HTR7: variants seen among roughly 807,000 people sequenced by gnomAD.
The protein encoded by HTR7 is 5-HT-7.
HTR7 carries 16 observed loss-of-function variants against 34.0 expected under a neutral mutation model. The ratio of observed to expected loss-of-function variants is 0.47; its 90% CI spans 0.32 to 0.71. The LOEUF (loss-of-function observed/expected upper bound fraction) is 0.71. Ranked by LOEUF, HTR7 falls within the 30% of genes least tolerant of loss-of-function variation. The pLI is 0.04. For missense variants in HTR7, 504 were observed against 625.5 expected, an observed-to-expected ratio of 0.81 and a Z score of 2.07; for synonymous variants, 265 against 260.2, an observed-to-expected ratio of 1.02 and a Z score of -0.18.
intron 1 of HTR7, among the ~76,000 whole-genome samples, chr10:90,769,006 A>G (rs1845066917): frequency 6.6e-6 from 1 of 152,218 alleles, no homozygotes; most frequent in South Asian, 2.1e-4. Flanking sequence ...ACTAGCCAAG[A>G]ACACTTTGAT....
intron 1 of HTR7, among the ~76,000 whole-genome samples, chr10:90,772,630 G>A (rs188314532): frequency 2.5e-4 from 38 of 152,252 alleles, no homozygotes; most frequent in East Asian, 1.3e-3. Flanking sequence ...TGGTGAGGGC[G>A]TCATATTATT....
At chr10:90,747,563 T>C (rs1289084729) in intron 2 of HTR7, among the ~76,000 whole-genome samples, 2 of 152,174 alleles carry the variant, frequency 1.3e-5, no homozygotes, top group Non-Finnish European at 2.9e-5. Flanking sequence ...GGCAGTCCAG[T>C]ATAAGAAAAA....
chr10:90,753,041 A>G (rs1293451589), intron 1 of HTR7, among the ~76,000 whole-genome samples: 1 of 152,254 alleles, frequency 6.6e-6, no homozygotes, highest in Non-Finnish European at 1.5e-5. Context: ...GTTTAATTCA[A>G]AAATCATTCT....
intron 1 of HTR7, among the ~76,000 whole-genome samples, chr10:90,784,513 C>A (rs929535543): frequency 3.3e-5 from 5 of 152,120 alleles, no homozygotes; most frequent in African/African-American, 1.2e-4. Flanking sequence ...CATAGGTCAT[C>A]CTCAATAAAT....
intron 1 of HTR7, among the ~76,000 whole-genome samples, chr10:90,821,034 G>A (rs1003157266): frequency 3.3e-5 from 5 of 152,058 alleles, no homozygotes; most frequent in Middle Eastern, 6.8e-3. Flanking sequence ...AGCAGGAGGT[G>A]GAACAAAATG....
At chr10:90,798,193 T>C (rs1845571425) in intron 1 of HTR7, among the ~76,000 whole-genome samples, 2 of 152,230 alleles carry the variant, frequency 1.3e-5, no homozygotes, top group Non-Finnish European at 1.5e-5. Flanking sequence ...TCTCCACTTC[T>C]TCTCAAGCAG....
At chr10:90,811,104 C>T (rs547511290) in intron 1 of HTR7, among the ~76,000 whole-genome samples, 5 of 152,276 alleles carry the variant, frequency 3.3e-5, no homozygotes, top group East Asian at 1.9e-4. Flanking sequence ...TGCCCCAACC[C>T]GAGCGCTCCC....
chr10:90,814,471 G>T (rs1014941562), intron 1 of HTR7, among the ~76,000 whole-genome samples: 4 of 152,196 alleles, frequency 2.6e-5, no homozygotes, highest in Admixed American at 6.5e-5. Flanking sequence ...GGGTCTTACA[G>T]ATGCTAATAA....
intron 1 of HTR7, among the ~76,000 whole-genome samples, chr10:90,814,772 C>T (rs997512488): frequency 2.6e-5 from 4 of 152,122 alleles, no homozygotes; most frequent in Non-Finnish European, 5.9e-5. Context: ...GCTGGATGGA[C>T]CAAAGGGATT....
chr10:90,763,530 T>C (rs777455398), intron 1 of HTR7, among the ~76,000 whole-genome samples: 24 of 152,332 alleles, frequency 1.6e-4, no homozygotes, highest in Middle Eastern at 3.4e-3. Flanking sequence ...ACATGTGCCA[T>C]GGTGGTTTGC....
intron 1 of HTR7, among the ~76,000 whole-genome samples, chr10:90,813,810 G>GGCCAGGCAAA (rs1564691251): frequency 6.6e-6 from 1 of 152,110 alleles, no homozygotes; most frequent in Non-Finnish European, 1.5e-5. Context: ...GCATGGCGCT[G>GGCCAGGCAAA]GCCAGGCAAA....
Position 90,743,831 on chromosome 10 carries a change from T to C in HTR7, c.1296-141A>G, listed in dbSNP as rs543077180. On this transcript the variant is annotated intron_variant, in intron 2 of 3. Coordinates refer to ENST00000336152, the MANE Select transcript of HTR7 (RefSeq NM_019859.4). ...TACTTGTGAAAAGGATTAAAATTGA[T>C]AGCAGTAAATTAAAATTACCAGTGC... is the stretch of plus-strand genomic sequence containing the variant. The C allele has an allele frequency of 5.7e-5, 43 of 750,828 alleles. 1 individual carries two copies. In the East Asian group the frequency reaches 8.9e-4, roughly 15 times the overall value. The allele number at this position is 750,828 out of a possible 1,614,324, so 46.5% of individuals were successfully genotyped here.
Position 90,741,781 on chromosome 10 carries a change from G to C in HTR7, c.*701C>G, listed in dbSNP as rs1194925453. 1 of 152,680 alleles carries C rather than the reference G, an allele frequency of 6.5e-6. No homozygotes were observed. Among genetic ancestry groups the C allele is most frequent in the Non-Finnish European group, 1.5e-5 (1 of 68,100 alleles). The allele number at this position is 152,680 out of a possible 1,614,324, so 9.5% of individuals were successfully genotyped here. A position where few individuals can be genotyped will look rare whatever the true frequency, so the allele number is the denominator to read the frequency against. On this transcript the variant is annotated 3_prime_UTR_variant, in exon 4 of 4. Coordinates refer to ENST00000336152, the MANE Select transcript of HTR7 (RefSeq NM_019859.4). ...AGAAGGCATCCCACTCCCCTCTCAA[G>C]ACCCTTCAGAGCACGAGAAAAAGCT...
chr10:90,742,522 A>AT lies in HTR7; in HGVS notation c.1399dup (p.Met467AsnfsTer13). ...GACCTTTTTTTCTACAGTAGTCAGC[A>AT]TTTTGTCTAAAAAAAAGAGAGAGAA... is the stretch of plus-strand genomic sequence containing the variant. On this transcript the variant is annotated frameshift_variant, in exon 4 of 4. Coordinates refer to ENST00000336152, the MANE Select transcript of HTR7 (RefSeq NM_019859.4). LOFTEE classifies it high-confidence loss of function. 1 of 1,588,200 alleles carries AT rather than the reference A, an allele frequency of 6.3e-7. No individual in the cohort carries two copies. The highest frequency in any genetic ancestry group is 8.6e-7 in the Non-Finnish European group (1 of 1,165,078).
intron 1 of HTR7, among the ~76,000 whole-genome samples, chr10:90,775,191 G>A (rs930728548): frequency 6.6e-6 from 1 of 152,140 alleles, no homozygotes; most frequent in Non-Finnish European, 1.5e-5. Flanking sequence ...TCATTGATGT[G>A]TTTATTGAAG....
chr10:90,828,011 A>C (rs1592143), intron 1 of HTR7, among the ~76,000 whole-genome samples: 24,512 of 152,226 alleles, frequency 0.16, 1,976 homozygotes, highest in African/African-American at 0.17. Flanking sequence ...AAGAATAAGT[A>C]TCTTCTCTGA....
intron 1 of HTR7, among the ~76,000 whole-genome samples, chr10:90,830,982 A>C (rs1366764900): frequency 6.6e-6 from 1 of 152,216 alleles, no homozygotes; most frequent in African/African-American, 2.4e-5. Flanking sequence ...AGGCTCTGCC[A>C]CTTAGCAGTT....
chr10:90,823,480 C>G (rs1846021014), intron 1 of HTR7, among the ~76,000 whole-genome samples: 1 of 152,192 alleles, frequency 6.6e-6, no homozygotes, highest in Non-Finnish European at 1.5e-5. Context: ...ATCACAGTAT[C>G]TTAGAAGTAA....
rs1426206919 is a variant in HTR7, at chr10:90,748,701, ACT to A, written c.1295+136_1295+137del. ...TACTGGGTGGAAGACTGGAGTCTAT[ACT>A]GTTGTCAATTCAAATCTGGTATGTT... On this transcript the variant is annotated intron_variant, in intron 2 of 3. Coordinates refer to ENST00000336152, the MANE Select transcript of HTR7 (RefSeq NM_019859.4). The A allele has an allele frequency of 3.1e-6, 3 of 959,400 alleles. No homozygotes were observed. In the East Asian group the frequency reaches 7.3e-5, roughly 23 times the overall value. The allele number at this position is 959,400 out of a possible 1,614,324, so 59.4% of individuals were successfully genotyped here.
Sources: gnomAD v4.1 joint callset for allele counts (sites outside exome capture counted in the v4.1 genomes callset) on GRCh38, gnomAD v4.1.1 for gene constraint, MANE v1.5 for transcripts, NCBI Gene and HGNC (gene_info 2026-07-23, HGNC 2026-07-21) for gene names.